RPS24: variants seen among roughly 807,000 people sequenced by gnomAD.
RPS24 encodes ribosomal protein S24, also known as small ribosomal subunit protein eS24.
For synonymous variants in RPS24, 72 were observed against 55.6 expected, an observed-to-expected ratio of 1.30 and a Z score of -1.31; for missense variants, 100 against 162.5, an observed-to-expected ratio of 0.62 and a Z score of 2.09.
intron 4 of RPS24, chr10:78,038,065 A>G: frequency 1.2e-6 from 1 of 859,770 alleles, no homozygotes; most frequent in Non-Finnish European, 1.6e-6. Context: ...TGGCCTTTGG[A>G]CGACAGTTTT....
At chr10:78,039,938 AATG>A (rs1847956625) in intron 4 of RPS24, 1 of 543,266 alleles carries the variant, frequency 1.8e-6, no homozygotes, top group East Asian at 3.4e-5. Context: ...ACATTGGCTT[AATG>A]ATCTCTTCAT....
At chr10:78,036,091 TTTGA>T in intron 3 of RPS24, 1 of 341,452 alleles carries the variant, frequency 2.9e-6, no homozygotes, top group Non-Finnish European at 5.7e-6. Flanking sequence ...AGGAAAAGTT[TTTGA>T]TTGTATACTG....
chr10:78,042,145 A>T (rs1847992716), downstream of RPS24, among the ~76,000 whole-genome samples: 1 of 152,266 alleles, frequency 6.6e-6, no homozygotes, highest in African/African-American at 2.4e-5. Context: ...CAGAAGCAGC[A>T]GTAGTAGCCC....
At chr10:78,044,368 G>A (rs1485445235), downstream of RPS24, among the ~76,000 whole-genome samples, 1 of 152,160 alleles carries the variant, frequency 6.6e-6, no homozygotes, top group Non-Finnish European at 1.5e-5. Context: ...GGGGAGGTGG[G>A]AGCAGAGTGG....
downstream of RPS24, among the ~76,000 whole-genome samples, chr10:78,041,649 G>T (rs1286519496): frequency 6.6e-6 from 1 of 152,192 alleles, no homozygotes; most frequent in African/African-American, 2.4e-5. Context: ...CTGAGCTGGA[G>T]TGTGGAAGCA....
At chr10:78,034,316 G>T in intron 1 of RPS24, 1 of 287,470 alleles carries the variant, frequency 3.5e-6, no homozygotes, top group Non-Finnish European at 6.7e-6. Context: ...GGCGAGTTGC[G>T]GCAAGTGAAA....
chr10:78,036,219 T>G (rs1447767208), intron 3 of RPS24: 1 of 196,796 alleles, frequency 5.1e-6, no homozygotes, highest in African/African-American at 2.4e-5. Flanking sequence ...GTTTGTTCCT[T>G]TAACTCACTT....
intron 4 of RPS24, chr10:78,038,159 C>G: frequency 3.3e-6 from 1 of 306,814 alleles, no homozygotes. Flanking sequence ...TACTTTTGCA[C>G]CAACCTAATA....
chr10:78,040,908 C>T (rs1243478339), downstream of RPS24, among the ~76,000 whole-genome samples: 1 of 152,194 alleles, frequency 6.6e-6, no homozygotes, highest in Admixed American at 6.5e-5. Flanking sequence ...AGAACCATGT[C>T]CGCGGTGGAC....
In RPS24 at chr10:78,035,380, A is replaced by C. The variant is rs770308138; in HGVS notation, c.32A>C (p.Lys11Thr). 1 of 1,614,196 alleles carries C rather than the reference A, an allele frequency of 6.2e-7. No homozygotes were observed. Among genetic ancestry groups the C allele is most frequent in the East Asian group, 2.2e-5 (1 of 44,884 alleles). ...GACACCGTAACTATCCGCACTAGAA[A>C]GTTCATGACCAACCGACTACTTCAG... MNDTVTIRTR[K>T]FMTNRLLQRK... is the part of the protein sequence containing the mutation. Residue 11 changes from lysine (K) to threonine (T), a missense_variant, in exon 2 of 6, where the codon AAG becomes ACG. Lys to Thr is a moderately conservative substitution (Grantham distance 78). Transcript: ENST00000372360.
At chr10:78,036,872 C>T (rs1331765501) in intron 3 of RPS24, among the ~76,000 whole-genome samples, 1 of 152,082 alleles carries the variant, frequency 6.6e-6, no homozygotes, top group Non-Finnish European at 1.5e-5. Context: ...TCAGCCACTT[C>T]GGAGGTGCCT....
At chr10:78,042,691 TAGAG>T (rs148009597), downstream of RPS24, among the ~76,000 whole-genome samples, 1,872 of 152,264 alleles carry the variant, frequency 0.012, 15 homozygotes, top group Non-Finnish European at 0.017. Flanking sequence ...AGCTGTGGCT[TAGAG>T]AGAGCAGGGA....
chr10:78,054,953 C>G (rs1334058707), exon 5 of RPS24: 1 of 1,491,186 alleles, frequency 6.7e-7, no homozygotes, highest in Admixed American at 2.2e-5. Context: ...TCTTTGAAAT[C>G]CACCAGGAAT....
At chr10:78,045,087 C>G (rs1848029414), downstream of RPS24, among the ~76,000 whole-genome samples, 2 of 152,074 alleles carry the variant, frequency 1.3e-5, no homozygotes, top group African/African-American at 4.8e-5. Flanking sequence ...CTCCTGGGTT[C>G]AAGCAATTCT....
chr10:78,047,139 A>G (rs1378874046), intron 4 of RPS24, among the ~76,000 whole-genome samples: 2 of 139,706 alleles, frequency 1.4e-5, no homozygotes, highest in Admixed American at 7.0e-5. Context: ...TTTTTTTTGT[A>G]CTTTTTAGTA....
chr10:78,038,006 TG>T, intron 4 of RPS24: 2 of 1,271,596 alleles, frequency 1.6e-6, no homozygotes, highest in South Asian at 1.3e-5. Context: ...AAGCACGGTG[TG>T]GGGATGCATC....
chr10:78,053,904 C>T (rs149872690), intron 4 of RPS24, among the ~76,000 whole-genome samples: 51 of 152,192 alleles, frequency 3.4e-4, no homozygotes, highest in East Asian at 1.2e-3. Context: ...ATGTCTACCA[C>T]GAACCAATTT....
Position 78,040,634 on chromosome 10 carries a change from G to A in RPS24, c.*39G>A, listed in dbSNP as rs1432801643. The stretch of plus-strand genomic sequence containing the variant: ...TCACAGCCGAAGGAGTAAAGGTGCT[G>A]CAATGATGTTAGCTGTGGCCACTGT... On this transcript the variant is annotated 3_prime_UTR_variant, in exon 6 of 6. Transcript: ENST00000372360. 11 of 1,613,888 alleles carry A rather than the reference G, an allele frequency of 6.8e-6. No individual in the cohort carries two copies. The highest frequency in any genetic ancestry group is 9.3e-6 in the Non-Finnish European group (11 of 1,179,844).
chr10:78,038,105 AT>A, intron 4 of RPS24: 2 of 495,512 alleles, frequency 4.0e-6, no homozygotes, highest in Non-Finnish European at 6.7e-6. Context: ...TGCCAGTGCT[AT>A]TTAGGCTGGT....
Sources: allele counts gnomAD v4.1 joint callset (sites outside exome capture counted in the v4.1 genomes callset), GRCh38; gene constraint gnomAD v4.1.1; transcripts MANE v1.5; gene names NCBI Gene and HGNC (gene_info 2026-07-23, HGNC 2026-07-21).